ASTN1: variants seen among roughly 807,000 people sequenced by gnomAD.
ASTN1 encodes the protein astrotactin-1.
A neutral mutation model predicts 140.7 loss-of-function variants in ASTN1; 41 were observed. The observed-to-expected ratio is 0.29, with a 90% confidence interval of 0.23 to 0.38. The LOEUF (loss-of-function observed/expected upper bound fraction) is 0.38, where lower values mean the gene tolerates loss of function less well. Ranked by LOEUF, ASTN1 falls within the 10% of genes least tolerant of loss-of-function variation. The probability of loss-of-function intolerance (pLI) is 1.00; values close to 1 mark genes in which losing one functional copy is unlikely to be tolerated. For missense variants in ASTN1, 1,479 were observed against 1,678.8 expected (o/e 0.88, Z 2.08); for synonymous variants, 640 against 652.2 (o/e 0.98, Z 0.29).
intron 1 of ASTN1, among the ~76,000 whole-genome samples, chr1:177,139,791 G>A (rs1007783008): frequency 2.0e-5 from 3 of 152,054 alleles, no homozygotes; most frequent in African/African-American, 7.2e-5. Context: ...GCCCCACAGA[G>A]AAAACATTCC....
At chr1:176,917,793 G>A (rs1320434458) in intron 16 of ASTN1, among the ~76,000 whole-genome samples, 1 of 152,084 alleles carries the variant, frequency 6.6e-6, no homozygotes, top group African/African-American at 2.4e-5. Flanking sequence ...ACACCTCAAG[G>A]GACAAAGCTG....
intron 1 of ASTN1, among the ~76,000 whole-genome samples, chr1:177,114,077 G>T (rs190877476): frequency 6.6e-6 from 1 of 152,258 alleles, no homozygotes; most frequent in Admixed American, 6.5e-5. Flanking sequence ...TTGCCTGGCA[G>T]AGCTCAAAGG....
intron 8 of ASTN1, among the ~76,000 whole-genome samples, chr1:177,002,125 T>C (rs938954698): frequency 2.6e-5 from 4 of 152,162 alleles, no homozygotes; most frequent in African/African-American, 9.7e-5. Flanking sequence ...CCAACACCAA[T>C]TGGCAACTCT....
chr1:176,913,335 T>C (rs899491778), intron 16 of ASTN1, among the ~76,000 whole-genome samples: 5 of 152,200 alleles, frequency 3.3e-5, no homozygotes, highest in African/African-American at 1.2e-4. Flanking sequence ...TTTTCACAAA[T>C]GTAGGATCAC....
At chr1:176,864,608 T>A (rs916256430) in intron 22 of ASTN1, 87 bp from the exon 23 acceptor site, 3 of 1,534,398 alleles carry the variant, frequency 2.0e-6, no homozygotes, top group Admixed American at 3.8e-5. Context: ...GACTCTAAAC[T>A]TCAAGAGGGA....
intron 2 of ASTN1, among the ~76,000 whole-genome samples, chr1:177,056,713 TACATTTAAATTCTAC>T (rs1352418883): frequency 6.6e-6 from 1 of 152,098 alleles, no homozygotes; most frequent in East Asian, 1.9e-4. Flanking sequence ...ATATAGACAA[TACATTTAAATTCTAC>T]TGTGCACCAT....
chr1:177,126,023 C>T (rs1211935935), intron 1 of ASTN1, among the ~76,000 whole-genome samples: 1 of 152,150 alleles, frequency 6.6e-6, no homozygotes, highest in African/African-American at 2.4e-5. Flanking sequence ...CTTCTCTTGG[C>T]CCCCACCTAT....
chr1:176,897,274 CAA>C lies in ASTN1; in HGVS notation c.2672-2446_2672-2445del, dbSNP rs56828059. 5.2e-4 allele frequency among the ~76,000 whole-genome samples: 23 copies of C among 44,126 alleles called. No individual in the cohort carries two copies. The South Asian group carries it at 0.011, about 21-fold the overall frequency. The allele number at this position is 44,126 out of a possible 152,430, so 28.9% of individuals were successfully genotyped here. On this transcript the variant is annotated intron_variant, in intron 16 of 22. Transcript: ENST00000361833. ...TGGGCTACAGAGCAAGACTCCGTCT[CAA>C]AAAAAAAAAAAAAAAAAAAAAGGCA...
chr1:176,902,037 G>A (rs982412289), intron 16 of ASTN1, among the ~76,000 whole-genome samples: 53 of 152,228 alleles, frequency 3.5e-4, no homozygotes, highest in African/African-American at 1.2e-3. Flanking sequence ...CCCTGCAGCC[G>A]GTCCCTCAAG....
intron 8 of ASTN1, among the ~76,000 whole-genome samples, chr1:177,008,647 GAGA>G (rs1323945150): frequency 6.6e-6 from 1 of 150,990 alleles, no homozygotes; most frequent in African/African-American, 2.4e-5. Flanking sequence ...GGAGGAAGAG[GAGA>G]AGGAGGATGA....
At position 177,032,520 on chromosome 1, in the gene ASTN1, C is replaced by T. The variant is rs781730876; in HGVS notation, c.801G>A (p.Gln267=). 1.9e-6 allele frequency: 3 copies of T among 1,614,008 alleles called. No homozygotes were observed. Among genetic ancestry groups the T allele is most frequent in the Admixed American group, 1.7e-5 (1 of 60,004 alleles). ...CMNGGEDFAS[Q]VTRTLDSLQG... is the part of the protein sequence containing the mutation. ...GCAGGGAGTCGAGGGTGCGCGTGAC[C>T]TGGCTGGCAAAGTCCTCCCCTCCGT... The change falls in exon 3 of 23, where the codon CAG becomes CAA. Residue 267 remains glutamine, a synonymous_variant. Coordinates refer to ENST00000361833, the MANE Select transcript of ASTN1 (RefSeq NM_004319.3).
At chr1:177,008,054 G>A (rs1675084620) in intron 8 of ASTN1, among the ~76,000 whole-genome samples, 1 of 152,238 alleles carries the variant, frequency 6.6e-6, no homozygotes, top group Non-Finnish European at 1.5e-5. Context: ...AAATCCCTGA[G>A]AAGGAGGTGC....
chr1:177,018,290 G>A (rs1393990812), intron 7 of ASTN1, among the ~76,000 whole-genome samples: 1 of 152,122 alleles, frequency 6.6e-6, no homozygotes, highest in Non-Finnish European at 1.5e-5. Context: ...CAGGTATCAG[G>A]AACAAAATCG....
Position 176,876,562 on chromosome 1 carries a change from G to A in ASTN1, c.3438C>T (p.Pro1146=), listed in dbSNP as rs144976382. The A allele has an allele frequency of 9.4e-5, 151 of 1,614,128 alleles. No homozygotes were observed. The highest frequency in any genetic ancestry group is 6.1e-4 in the African/African-American group (46 of 75,028). Residue 1146 remains proline, a synonymous_variant, in exon 21 of 23, where the codon CCC becomes CCT. Transcript: ENST00000361833. ...CTTGAGCCTTGACATCATCCACCAC[G>A]GGGCATGGGGTCTTCACGATCACGT... ...PSDVIVKTPC[P]VVDDVKAQEI...
chr1:176,999,961 T>C (rs1674646115), intron 8 of ASTN1, among the ~76,000 whole-genome samples: 1 of 152,202 alleles, frequency 6.6e-6, no homozygotes, highest in Admixed American at 6.5e-5. Flanking sequence ...CATGCTCAGG[T>C]ATTTCTTTAC....
At chr1:177,095,420 C>T (rs922876326) in intron 1 of ASTN1, among the ~76,000 whole-genome samples, 32 of 152,142 alleles carry the variant, frequency 2.1e-4, no homozygotes, top group African/African-American at 7.7e-4. Context: ...GGGTATGCCC[C>T]TCACAATAGC....
chr1:177,010,983 T>G (rs1055138923), intron 8 of ASTN1, among the ~76,000 whole-genome samples: 3 of 152,170 alleles, frequency 2.0e-5, no homozygotes, highest in Non-Finnish European at 4.4e-5. Context: ...TCTCCCTCCC[T>G]CCTGCTAGCG....
intron 8 of ASTN1, among the ~76,000 whole-genome samples, chr1:176,968,331 A>T (rs1672976198): frequency 6.6e-6 from 1 of 152,238 alleles, no homozygotes; most frequent in Non-Finnish European, 1.5e-5. Flanking sequence ...TGTTTCCCAA[A>T]TTTCAATAGA....
chr1:177,052,707 C>T (rs1288312806), intron 2 of ASTN1, among the ~76,000 whole-genome samples: 1 of 152,212 alleles, frequency 6.6e-6, no homozygotes, highest in Non-Finnish European at 1.5e-5. Flanking sequence ...TTTGAAGCAG[C>T]TCATAGACCT....
Sources: gnomAD v4.1 joint callset for allele counts (sites outside exome capture counted in the v4.1 genomes callset) on GRCh38, gnomAD v4.1.1 for gene constraint, MANE v1.5 for transcripts, NCBI Gene and HGNC (gene_info 2026-07-23, HGNC 2026-07-21) for gene names.